Variants in NRG1 observed in about 807,000 individuals in gnomAD.
The protein encoded by NRG1 is pro-neuregulin-1, membrane-bound isoform.
Under a neutral mutation model 63.8 loss-of-function variants are expected in NRG1, and 18 were observed. The observed-to-expected ratio is 0.28, with a 90% CI of 0.19 to 0.42. The LOEUF (loss-of-function observed/expected upper bound fraction) is 0.42. NRG1 is among the 10% of genes least tolerant of loss of function. The pLI is 1.00. For synonymous variants in NRG1, 302 were observed against 301.3 expected (o/e 1.00, Z -0.02); for missense variants, 762 against 814.7 (o/e 0.94, Z 0.79).
chr8:32,314,760 C>T (rs1387078427), intron 1 of NRG1, among the ~76,000 whole-genome samples: 1 of 152,196 alleles, frequency 6.6e-6, no homozygotes, highest in Non-Finnish European at 1.5e-5. Context: ...AGGAAGCCCC[C>T]AGATGGGTCC....
At chr8:32,376,221 A>G (rs1238797000) in intron 1 of NRG1, among the ~76,000 whole-genome samples, 1 of 152,234 alleles carries the variant, frequency 6.6e-6, no homozygotes, top group East Asian at 1.9e-4. Context: ...ATTTGCCTAC[A>G]GGCTTCCTAA....
intron 6 of NRG1, among the ~76,000 whole-genome samples, chr8:32,731,736 G>A (rs1268248771): frequency 6.6e-6 from 1 of 152,082 alleles, no homozygotes; most frequent in Non-Finnish European, 1.5e-5. Flanking sequence ...ATAATACATT[G>A]TTCACTAGAC....
intron 1 of NRG1, among the ~76,000 whole-genome samples, chr8:32,528,257 T>G (rs922250261): frequency 2.0e-5 from 3 of 152,258 alleles, no homozygotes; most frequent in Non-Finnish European, 2.9e-5. Flanking sequence ...GTTATATGTC[T>G]AGTTACTTGT....
intron 5 of NRG1, among the ~76,000 whole-genome samples, chr8:32,701,109 T>G (rs541911973): frequency 2.0e-5 from 3 of 152,328 alleles, no homozygotes; most frequent in African/African-American, 7.2e-5. Context: ...CGGGTCCTGT[T>G]CATGTTCTCA....
chr8:32,364,266 G>T (rs1297683256), intron 1 of NRG1, among the ~76,000 whole-genome samples: 2 of 151,678 alleles, frequency 1.3e-5, no homozygotes, highest in Non-Finnish European at 2.9e-5. Context: ...TTGCACAAAA[G>T]GTACAAGAAA....
chr8:32,188,312 C>G (rs892246342), intron 1 of NRG1, among the ~76,000 whole-genome samples: 1 of 152,184 alleles, frequency 6.6e-6, no homozygotes, highest in Non-Finnish European at 1.5e-5. Flanking sequence ...AGTGATCCAC[C>G]TGCCTCAGCC....
intron 1 of NRG1, among the ~76,000 whole-genome samples, chr8:31,655,748 C>A (rs983949046): frequency 2.0e-5 from 3 of 152,128 alleles, no homozygotes; most frequent in Non-Finnish European, 4.4e-5. Context: ...GGTGGGGCCC[C>A]AGTTGAGACT....
intron 1 of NRG1, among the ~76,000 whole-genome samples, chr8:32,466,417 T>A (rs1328275613): frequency 6.6e-6 from 1 of 150,914 alleles, no homozygotes; most frequent in Non-Finnish European, 1.5e-5. Context: ...CCCAGTAGCA[T>A]CTAAAAGTGC....
rs531932048 is a variant in NRG1 at position 32,489,429 on chromosome 8, C to A, written c.38-106399C>A. On this transcript the variant is annotated intron_variant, in intron 1 of 10. Coordinates refer to the NRG1 transcript ENST00000519301. ...GACTGCCTTTCCCTGGAGCTGGCTG[C>A]AACCAATTATTTTAGAGAGACAGTT... Among the ~76,000 whole-genome samples the A allele has an allele frequency of 7.2e-5, 11 of 152,262 alleles. No individual in the cohort carries two copies. In the South Asian group the frequency reaches 1.9e-3, roughly 26 times the overall value.
At chr8:32,001,938 G>T (rs1812998482) in intron 1 of NRG1, among the ~76,000 whole-genome samples, 1 of 151,984 alleles carries the variant, frequency 6.6e-6, no homozygotes, top group African/African-American at 2.4e-5. Context: ...TGTACTGTTT[G>T]GGAGGAGCTC....
chr8:31,741,572 C>T (rs531968668), intron 1 of NRG1, among the ~76,000 whole-genome samples: 13 of 151,912 alleles, frequency 8.6e-5, no homozygotes, highest in South Asian at 2.1e-4. Context: ...ATACTTCAAA[C>T]GACATTATTC....
chr8:31,702,211 T>C (rs2131195716), intron 1 of NRG1, among the ~76,000 whole-genome samples: 1 of 152,320 alleles, frequency 6.6e-6, no homozygotes, highest in Non-Finnish European at 1.5e-5. Context: ...GCTGTCGGCA[T>C]CTTGAAAGTT....
chr8:32,470,500 G>A (rs1036884653), intron 1 of NRG1, among the ~76,000 whole-genome samples: 6 of 152,124 alleles, frequency 3.9e-5, no homozygotes, highest in African/African-American at 7.2e-5. Context: ...CACCGCGCCC[G>A]ACCATGAAAA....
intron 1 of NRG1, among the ~76,000 whole-genome samples, chr8:31,865,973 C>T (rs1828920149): frequency 6.6e-6 from 1 of 152,188 alleles, no homozygotes; most frequent in Non-Finnish European, 1.5e-5. Context: ...CCATATTTCT[C>T]CACCTGGTCA....
chr8:32,254,219 T>G (rs1384923750), intron 1 of NRG1, among the ~76,000 whole-genome samples: 1 of 152,208 alleles, frequency 6.6e-6, no homozygotes, highest in African/African-American at 2.4e-5. Flanking sequence ...AGTTATTTCT[T>G]GCCTTCTGCT....
intron 5 of NRG1, among the ~76,000 whole-genome samples, chr8:32,654,033 A>G (rs750830201): frequency 3.3e-5 from 5 of 151,986 alleles, no homozygotes; most frequent in Non-Finnish European, 5.9e-5. Context: ...TAATCATAGA[A>G]TTTTATATGC....
intron 1 of NRG1, among the ~76,000 whole-genome samples, chr8:32,027,444 CCTTCCTTCCTTCCTTCCT>C (rs1817576076): frequency 7.7e-6 from 1 of 130,226 alleles, no homozygotes; most frequent in Non-Finnish European, 1.6e-5. Flanking sequence ...TTCCTTCCTT[CCTTCCTTCCTTCCTTCCT>C]TCCTTCCCTC....
intron 1 of NRG1, among the ~76,000 whole-genome samples, chr8:32,496,290 C>T (rs1337534455): frequency 2.6e-5 from 4 of 152,142 alleles, no homozygotes; most frequent in Non-Finnish European, 5.9e-5. Context: ...GAACATTTTA[C>T]AAATTGCTCA....
chr8:31,853,086 C>A (rs554342697), intron 1 of NRG1, among the ~76,000 whole-genome samples: 1 of 151,984 alleles, frequency 6.6e-6, no homozygotes, highest in Non-Finnish European at 1.5e-5. Flanking sequence ...ATTGACTTGG[C>A]GATGCGGGCT....
Sources: allele counts gnomAD v4.1 joint callset (sites outside exome capture counted in the v4.1 genomes callset), GRCh38; gene constraint gnomAD v4.1.1; transcripts MANE v1.5; gene names NCBI Gene and HGNC (gene_info 2026-07-23, HGNC 2026-07-21).